Variants in RBM3 observed in about 807,000 individuals in gnomAD.
RBM3 encodes the protein RNA binding motif protein 3, also known as RNA-binding protein 3.
In RBM3, 3 loss-of-function variants were observed where a neutral mutation model predicts 12.0. The observed-to-expected ratio is 0.25, with a 90% CI of 0.11 to 0.65. RBM3 has a LOEUF of 0.65. Among genes scored for constraint, RBM3 ranks in the 30% least tolerant of loss-of-function variants. The probability of loss-of-function intolerance (pLI) is 0.84; values close to 1 mark genes in which losing one functional copy is unlikely to be tolerated. For synonymous variants in RBM3, 58 were observed against 45.7 expected, an observed-to-expected ratio of 1.27 and a Z score of -1.08; for missense variants, 108 against 134.5, an observed-to-expected ratio of 0.80 and a Z score of 0.97.
chrX:48,576,452 AGAGG>A, intron 4 of RBM3, 33 bp downstream of exon 4: 1 of 1,201,903 alleles, frequency 8.3e-7, no homozygotes, highest in Non-Finnish European at 1.1e-6. Flanking sequence ...TCATGGGGTG[AGAGG>A]GAGAGTTGCC....
chrX:48,576,007 G>A (rs1339021536), intron 3 of RBM3: 5 of 875,572 alleles, frequency 5.7e-6, no homozygotes, highest in Non-Finnish European at 7.8e-6. Flanking sequence ...CAAACCAAGA[G>A]AGGTGTCTGT....
At position 48,577,659 on chromosome X, in the gene RBM3, CAA is replaced by C. The variant is rs1430774929; in HGVS notation, c.*220_*221del. ...TAAATTTTTTCTGCCTATTTAAAGA[CAA>C]ATTATGGGACGTTTGTAGAACCTGA... On this transcript the variant is annotated 3_prime_UTR_variant, in exon 7 of 7. Coordinates refer to ENST00000376759, the MANE Select transcript of RBM3 (RefSeq NM_006743.5). 4.2e-6 allele frequency: 1 copy of C among 235,920 alleles called. No individual in the cohort carries two copies. Among genetic ancestry groups the C allele is most frequent in the African/African-American group, 3.0e-5 (1 of 33,284 alleles). The allele number at this position is 235,920 out of a possible 1,213,427, so 19.4% of individuals were successfully genotyped here.
At position 48,577,019 on chromosome X, in the gene RBM3, C is replaced by G; in HGVS notation, c.414-7C>G. On this transcript the variant is annotated splice_region_variant and splice_polypyrimidine_tract_variant and intron_variant, in intron 5 of 6. Transcript: ENST00000376759. ...GAAAACTTTTGTGTGTTTTTTTTCC[C>G]CCCCAGAAACCAGGGTGGTTATGAC... The G allele has an allele frequency of 3.3e-6, 4 of 1,205,888 alleles. No homozygotes were observed. Among genetic ancestry groups the G allele is most frequent in the Non-Finnish European group, 2.2e-6 (2 of 893,633 alleles).
rs2062083044 is a variant in RBM3 at position 48,576,929 on chromosome X, ATGT to A, written c.414-95_414-93del. The A allele has an allele frequency of 7.8e-6, 8 of 1,031,933 alleles. No homozygotes were observed. In the East Asian group the frequency reaches 9.5e-5, roughly 12 times the overall value. 85.0% of individuals were successfully genotyped at this position (1,031,933 alleles called of 1,213,427 possible). ...ATCCTGTTTTTGATACGTAAGGTTT[ATGT>A]TATGACCCATACTGTAAAATGTGAC... is the stretch of plus-strand genomic sequence containing the variant. On this transcript the variant is annotated intron_variant, in intron 5 of 6. Coordinates refer to ENST00000376759, the MANE Select transcript of RBM3 (RefSeq NM_006743.5).
chrX:48,575,328 T>G (rs576253312), intron 2 of RBM3, 45 bp downstream of exon 2: 1 of 1,089,429 alleles, frequency 9.2e-7, no homozygotes. Flanking sequence ...AGAGAAAGTC[T>G]GGGATCCTTG....
Position 48,575,146 on chromosome X carries a change from ATTC to A in RBM3, c.-13-18_-13-16del. The A allele has an allele frequency of 9.2e-7, 1 of 1,091,874 alleles. No homozygotes were observed. Among genetic ancestry groups the A allele is most frequent in the Non-Finnish European group, 1.3e-6 (1 of 793,571 alleles). 90.0% of individuals were successfully genotyped at this position (1,091,874 alleles called of 1,213,427 possible). The stretch of plus-strand genomic sequence containing the variant: ...CATTTTCTTTCTCCTTCCTGCCACC[ATTC>A]TTCATGTTCTTCCCACAGGACTTGA... On this transcript the variant is annotated intron_variant, in intron 1 of 6. Transcript: ENST00000376759.
intron 5 of RBM3, 69 bp from the exon 6 acceptor site, chrX:48,576,957 C>T (rs782228101): frequency 6.0e-5 from 67 of 1,120,729 alleles, no homozygotes; most frequent in Admixed American, 1.9e-4. Flanking sequence ...TAAAATGTGA[C>T]GCATATAATT....
At position 48,576,533 on chromosome X, in the gene RBM3, TG is replaced by T; in HGVS notation, c.344del (p.Gly115AlafsTer83). On this transcript the variant is annotated frameshift_variant, in exon 5 of 7. Transcript: ENST00000376759. LOFTEE classifies it high-confidence loss of function. ...RGGGDQGYGS[G>X]RYYDSRPGGY... Reference sequence around the variant, plus strand: ...GTGGTGGGGACCAGGGCTATGGGAGTGGCAGGTATTATGACAGTCGACCTGG... The same window carrying T: ...GTGGTGGGGACCAGGGCTATGGGAGTGCAGGTATTATGACAGTCGACCTGG... The T allele has an allele frequency of 8.4e-7, 1 of 1,189,974 alleles. No homozygotes were observed. The highest frequency in any genetic ancestry group is 1.8e-5 in the South Asian group (1 of 54,367).
At chrX:48,576,233 C>T in intron 3 of RBM3, 81 bp from the exon 4 acceptor site, 1 of 1,168,339 alleles carries the variant, frequency 8.6e-7, no homozygotes, top group Non-Finnish European at 1.1e-6. Context: ...GCCTCTTTTG[C>T]CCACTTACCC....
At chrX:48,574,599 G>C (rs1362906870) in intron 1 of RBM3, 26 bp downstream of exon 1, 1 of 331,083 alleles carries the variant, frequency 3.0e-6, no homozygotes, top group Non-Finnish European at 5.9e-6. Flanking sequence ...CCTGCGAAAC[G>C]GCGGCTCCTC....
In RBM3 at chrX:48,579,518, G is replaced by C. The variant is rs1556990084; in HGVS notation, c.*2077G>C. ...CCACTAAGCCAGGCCCAGGCTATGGGGCATTGTGGCTAACCCCACCAGGTG... is the reference window on the plus strand; with the variant it reads ...CCACTAAGCCAGGCCCAGGCTATGGCGCATTGTGGCTAACCCCACCAGGTG... On this transcript the variant is annotated 3_prime_UTR_variant, in exon 7 of 7. Coordinates refer to ENST00000376759, the MANE Select transcript of RBM3 (RefSeq NM_006743.5). Among the ~76,000 whole-genome samples, 1 of 111,723 alleles carries C rather than the reference G, an allele frequency of 9.0e-6. No homozygotes were observed. The highest frequency in any genetic ancestry group is 1.9e-5 in the Non-Finnish European group (1 of 53,168).
Position 48,575,545 on chromosome X carries a change from TCTC to T in RBM3, c.104-15_104-13del. The T allele has an allele frequency of 8.4e-7, 1 of 1,193,809 alleles. No homozygotes were observed. The highest frequency in any genetic ancestry group is 1.1e-6 in the Non-Finnish European group (1 of 882,512). On this transcript the variant is annotated splice_polypyrimidine_tract_variant and intron_variant, in intron 2 of 6. Coordinates refer to ENST00000376759, the MANE Select transcript of RBM3 (RefSeq NM_006743.5). The stretch of plus-strand genomic sequence containing the variant: ...CTGACTGGTCCACATTGCTCCATCT[TCTC>T]TCCCTCTCACAGTGGTCGTTGTCAA...
chrX:48,575,456 TC>T, intron 2 of RBM3, 104 bp from the exon 3 acceptor site: 7 of 819,647 alleles, frequency 8.5e-6, no homozygotes, highest in Non-Finnish European at 1.2e-5. Flanking sequence ...GTGGGAGCGC[TC>T]CGTTTTCCCT....
intron 3 of RBM3, 145 bp downstream of exon 3, chrX:48,575,812 T>C (rs1226473836): frequency 3.2e-6 from 2 of 631,548 alleles, no homozygotes; most frequent in African/African-American, 4.4e-5. Context: ...CCTTTTGTTC[T>C]AGGGGGTGGA....
Position 48,578,754 on chromosome X carries a change from C to T in RBM3, c.*1313C>T, listed in dbSNP as rs189177302. On this transcript the variant is annotated 3_prime_UTR_variant, in exon 7 of 7. Coordinates refer to ENST00000376759, the MANE Select transcript of RBM3 (RefSeq NM_006743.5). ...AGAACATAAGCACCTAATCTCATGG[C>T]GTGAGCTAATCCCTATCATAAATAG... 1.2e-3 allele frequency: 138 copies of T among 111,573 alleles called. No homozygotes were observed. Among genetic ancestry groups the T allele is most frequent in the African/African-American group, 4.2e-3 (129 of 30,739 alleles). The allele number at this position is 111,573 out of a possible 1,213,427, so 9.2% of individuals were successfully genotyped here. A position where few individuals can be genotyped will look rare whatever the true frequency, so the allele number is the denominator to read the frequency against.
Sources: gnomAD v4.1 joint callset for allele counts (sites outside exome capture counted in the v4.1 genomes callset) on GRCh38, gnomAD v4.1.1 for gene constraint, MANE v1.5 for transcripts, NCBI Gene and HGNC (gene_info 2026-07-23, HGNC 2026-07-21) for gene names.